Variants in PRR5L observed in about 807,000 individuals in gnomAD.
PRR5L encodes the protein proline rich 5 like.
A neutral mutation model predicts 36.4 loss-of-function variants in PRR5L; 21 were observed. The ratio of observed to expected loss-of-function variants is 0.58; its 90% confidence interval spans 0.41 to 0.83. PRR5L has a LOEUF of 0.83. Among genes scored for constraint, PRR5L ranks in the 40% least tolerant of loss-of-function variants. PRR5L has a pLI of 0.00. For synonymous variants in PRR5L, 188 were observed against 197.0 expected, an observed-to-expected ratio of 0.95 and a Z score of 0.38; for missense variants, 381 against 473.3, an observed-to-expected ratio of 0.80 and a Z score of 1.81.
intron 1 of PRR5L, among the ~76,000 whole-genome samples, chr11:36,323,049 G>A (rs771248833): frequency 5.3e-5 from 8 of 152,134 alleles, no homozygotes; most frequent in African/African-American, 9.7e-5. Context: ...CAGTGTTCCA[G>A]CCCCCATAAC....
chr11:36,446,546 C>T, intron 7 of PRR5L, 106 bp downstream of exon 7: 2 of 1,350,586 alleles, frequency 1.5e-6, no homozygotes, highest in Non-Finnish European at 1.0e-6. Context: ...AGCACCTTAG[C>T]TTGGCTTACT....
At chr11:36,359,633 C>T (rs911664072) in intron 1 of PRR5L, among the ~76,000 whole-genome samples, 2 of 152,116 alleles carry the variant, frequency 1.3e-5, no homozygotes, top group Non-Finnish European at 2.9e-5. Context: ...ATGATGATTC[C>T]AGAGCAGATG....
chr11:36,331,369 T>C (rs1856717036), intron 1 of PRR5L, among the ~76,000 whole-genome samples: 1 of 152,176 alleles, frequency 6.6e-6, no homozygotes, highest in South Asian at 2.1e-4. Flanking sequence ...AGAATTGCAT[T>C]TGGAAAGTTG....
chr11:36,458,570 T>C (rs577513735), intron 8 of PRR5L, among the ~76,000 whole-genome samples: 16 of 152,216 alleles, frequency 1.1e-4, no homozygotes, highest in Non-Finnish European at 2.2e-4. Context: ...TCTTCATTAT[T>C]TATACACACA....
rs538333481 is a variant in PRR5L at position 36,374,943 on chromosome 11, C to T, written c.-125-26054C>T. Among the ~76,000 whole-genome samples the T allele has an allele frequency of 2.0e-5, 3 of 152,218 alleles. No homozygotes were observed. In the South Asian group the frequency reaches 6.2e-4, roughly 32 times the overall value. ...AAGTCTCCTCCCTGCTCATTGTCCT[C>T]TCAGTTTCTTGCCAGGCACGGTGGC... is the stretch of plus-strand genomic sequence containing the variant. On this transcript the variant is annotated intron_variant, in intron 1 of 8. Coordinates refer to ENST00000530639, the MANE Select transcript of PRR5L (RefSeq NM_001160167.2).
At chr11:36,412,178 C>T (rs1175572606) in intron 3 of PRR5L, among the ~76,000 whole-genome samples, 1 of 152,088 alleles carries the variant, frequency 6.6e-6, no homozygotes, top group Non-Finnish European at 1.5e-5. Flanking sequence ...GCTCTGGGCT[C>T]CCTGATCTCA....
chr11:36,462,430 G>GA lies in PRR5L; in HGVS notation c.801_802insA (p.Val268SerfsTer52), dbSNP rs1441929576. The GA allele has an allele frequency of 6.3e-7, 1 of 1,595,226 alleles. No homozygotes were observed. The highest frequency in any genetic ancestry group is 8.6e-7 in the Non-Finnish European group (1 of 1,169,286). ...CAGTCAGCCGGCCACTGAATGAGATGGTCTTGACCCCACTGACAGAGCAGG... is the reference window on the plus strand; with the variant it reads ...CAGTCAGCCGGCCACTGAATGAGATGAGTCTTGACCCCACTGACAGAGCAGG... On this transcript the variant is annotated frameshift_variant, in exon 9 of 9. Coordinates refer to ENST00000530639, the MANE Select transcript of PRR5L (RefSeq NM_001160167.2). LOFTEE classifies it high-confidence loss of function.
chr11:36,336,612 C>T (rs1856771641), intron 1 of PRR5L, among the ~76,000 whole-genome samples: 3 of 151,010 alleles, frequency 2.0e-5, no homozygotes, highest in Non-Finnish European at 4.4e-5. Context: ...TGCTGTATTC[C>T]CCTAGTGCCT....
chr11:36,460,516 T>C (rs1859158315), intron 8 of PRR5L, among the ~76,000 whole-genome samples: 1 of 152,168 alleles, frequency 6.6e-6, no homozygotes, highest in African/African-American at 2.4e-5. Context: ...TCTCTAGCGG[T>C]CATCCTCACC....
chr11:36,417,175 T>A (rs1858162744), intron 3 of PRR5L, among the ~76,000 whole-genome samples: 1 of 152,208 alleles, frequency 6.6e-6, no homozygotes, highest in African/African-American at 2.4e-5. Context: ...ACCCAAGATA[T>A]CTCCTTGGGA....
intron 1 of PRR5L, among the ~76,000 whole-genome samples, chr11:36,343,363 C>T (rs895164092): frequency 6.6e-6 from 1 of 152,164 alleles, no homozygotes; most frequent in Non-Finnish European, 1.5e-5. Context: ...ACGCCTTGAC[C>T]TTTGTAAGTT....
At chr11:36,331,857 A>G (rs958917047) in intron 1 of PRR5L, among the ~76,000 whole-genome samples, 1 of 152,198 alleles carries the variant, frequency 6.6e-6, no homozygotes, top group African/African-American at 2.4e-5. Context: ...TGTATTAGTC[A>G]GGGTTCTCCA....
intron 1 of PRR5L, among the ~76,000 whole-genome samples, chr11:36,358,735 G>A (rs1412584618): frequency 6.6e-6 from 1 of 152,230 alleles, no homozygotes; most frequent in Non-Finnish European, 1.5e-5. Flanking sequence ...ACTACAAGGA[G>A]TAGCCAGCCA....
chr11:36,433,944 G>A (rs1858554125), intron 5 of PRR5L, among the ~76,000 whole-genome samples: 2 of 152,234 alleles, frequency 1.3e-5, no homozygotes, highest in Non-Finnish European at 2.9e-5. Flanking sequence ...TTAATTGTAT[G>A]TATGTTATCT....
chr11:36,390,148 G>T (rs1324560698), intron 1 of PRR5L, among the ~76,000 whole-genome samples: 1 of 152,202 alleles, frequency 6.6e-6, no homozygotes, highest in African/African-American at 2.4e-5. Flanking sequence ...AAGGAGGTGG[G>T]GAGGGTGCTC....
chr11:36,346,379 C>A (rs540835223), intron 1 of PRR5L, among the ~76,000 whole-genome samples: 60 of 152,066 alleles, frequency 3.9e-4, no homozygotes, highest in Non-Finnish European at 1.5e-5. Context: ...GTCAGGAGAT[C>A]GAGACCATCC....
chr11:36,323,726 G>T (rs898773395), intron 1 of PRR5L, among the ~76,000 whole-genome samples: 1 of 152,138 alleles, frequency 6.6e-6, no homozygotes, highest in Non-Finnish European at 1.5e-5. Flanking sequence ...ATTGGGAGAA[G>T]GCCTACTAAA....
intron 1 of PRR5L, among the ~76,000 whole-genome samples, chr11:36,400,220 C>T (rs996029513): frequency 6.6e-6 from 1 of 152,184 alleles, no homozygotes; most frequent in Admixed American, 6.5e-5. Context: ...TAGAAGAGTG[C>T]CTGCTGGTTG....
chr11:36,323,651 T>A (rs954197766), intron 1 of PRR5L, among the ~76,000 whole-genome samples: 3 of 152,240 alleles, frequency 2.0e-5, no homozygotes, highest in Admixed American at 2.0e-4. Context: ...TGATTTGACT[T>A]TCTATCACTT....
Sources: gnomAD v4.1 joint callset for allele counts (sites outside exome capture counted in the v4.1 genomes callset) on GRCh38, gnomAD v4.1.1 for gene constraint, MANE v1.5 for transcripts, NCBI Gene and HGNC (gene_info 2026-07-23, HGNC 2026-07-21) for gene names.